Variants in MGAT5 observed in about 807,000 individuals in gnomAD.
MGAT5 encodes alpha-1,6-mannosylglycoprotein 6-beta-N-acetylglucosaminyltransferase.
MGAT5 carries 30 observed loss-of-function variants against 94.3 expected under a neutral mutation model. The observed-to-expected ratio is 0.32, with a 90% CI of 0.24 to 0.43. The LOEUF (loss-of-function observed/expected upper bound fraction) is 0.43, where lower values mean the gene tolerates loss of function less well. Ranked by LOEUF, MGAT5 falls within the 20% of genes least tolerant of loss-of-function variation. MGAT5 has a pLI of 1.00. For synonymous variants in MGAT5, 310 were observed against 322.9 expected (o/e 0.96, Z 0.43); for missense variants, 691 against 905.5 (o/e 0.76, Z 3.04).
chr2:134,255,494 T>TAC (rs1417359186), intron 1 of MGAT5, among the ~76,000 whole-genome samples: 1 of 148,920 alleles, frequency 6.7e-6, no homozygotes, highest in Admixed American at 6.7e-5. Context: ...TACATATATA[T>TAC]ACACATATAT....
chr2:134,232,007 C>T (rs1681393664), intron 1 of MGAT5, among the ~76,000 whole-genome samples: 1 of 152,152 alleles, frequency 6.6e-6, no homozygotes, highest in South Asian at 2.1e-4. Flanking sequence ...CCAGCTCCTC[C>T]ATTTTCCTGT....
At chr2:134,121,892 T>A (rs1295195509) in intron 1 of MGAT5, among the ~76,000 whole-genome samples, 2 of 152,204 alleles carry the variant, frequency 1.3e-5, no homozygotes, top group African/African-American at 4.8e-5. Context: ...TCCTAAGCCT[T>A]ACGGCTGCAT....
intron 2 of MGAT5, among the ~76,000 whole-genome samples, chr2:134,278,675 C>A (rs1178580076): frequency 6.6e-6 from 1 of 152,202 alleles, no homozygotes; most frequent in African/African-American, 2.4e-5. Flanking sequence ...GAGGGCAAAG[C>A]CTCAGGACTG....
At chr2:134,426,075 A>C (rs1282444591) in intron 13 of MGAT5, among the ~76,000 whole-genome samples, 2 of 152,078 alleles carry the variant, frequency 1.3e-5, no homozygotes, top group Admixed American at 1.3e-4. Context: ...CCGCTCTCCC[A>C]GCCCCCAGTC....
At chr2:134,171,685 G>A (rs1039705999) in intron 1 of MGAT5, among the ~76,000 whole-genome samples, 3 of 152,180 alleles carry the variant, frequency 2.0e-5, no homozygotes, top group African/African-American at 4.8e-5. Flanking sequence ...TGTTTGCAAT[G>A]GATCAAGTCC....
intron 1 of MGAT5, among the ~76,000 whole-genome samples, chr2:134,244,683 A>G (rs149833063): frequency 6.6e-6 from 1 of 152,264 alleles, no homozygotes; most frequent in African/African-American, 2.4e-5. Context: ...TTCTAGTTAC[A>G]TGGGCAGAAC....
chr2:134,350,081 C>T, intron 9 of MGAT5, 143 bp downstream of exon 9: 4 of 310,446 alleles, frequency 1.3e-5, no homozygotes, highest in Non-Finnish European at 2.0e-5. Flanking sequence ...TTGGGAATTA[C>T]TGAATTTGTT....
chr2:134,203,692 AG>A (rs1269574707), intron 1 of MGAT5, among the ~76,000 whole-genome samples: 5 of 149,128 alleles, frequency 3.4e-5, no homozygotes, highest in African/African-American at 1.3e-4. Flanking sequence ...TGGGGGCCCA[AG>A]ACTGGGTTTA....
At chr2:134,130,112 C>T (rs960204523) in intron 1 of MGAT5, among the ~76,000 whole-genome samples, 1 of 151,684 alleles carries the variant, frequency 6.6e-6, no homozygotes, top group Non-Finnish European at 1.5e-5. Flanking sequence ...CACTGCCGGC[C>T]CGTCCGCACC....
chr2:134,264,990 G>A (rs1023800824), intron 1 of MGAT5, among the ~76,000 whole-genome samples: 2 of 152,232 alleles, frequency 1.3e-5, no homozygotes, highest in Non-Finnish European at 2.9e-5. Context: ...TACCTTCACA[G>A]TAGATCTCAA....
At chr2:134,173,746 G>A (rs1688331436) in intron 1 of MGAT5, among the ~76,000 whole-genome samples, 1 of 152,338 alleles carries the variant, frequency 6.6e-6, no homozygotes, top group South Asian at 2.1e-4. Flanking sequence ...TCAACCTGTT[G>A]TTGGAGGAGT....
intron 10 of MGAT5, among the ~76,000 whole-genome samples, chr2:134,370,253 G>C (rs559622338): frequency 1.3e-5 from 2 of 152,306 alleles, no homozygotes; most frequent in Admixed American, 1.3e-4. Flanking sequence ...TGAAACCCTT[G>C]AAAAGAACAC....
chr2:134,356,710 C>T (rs112892391), intron 9 of MGAT5, among the ~76,000 whole-genome samples: 98 of 152,264 alleles, frequency 6.4e-4, no homozygotes, highest in African/African-American at 2.1e-3. Context: ...GCTTACTACG[C>T]GGCTTTTTGC....
chr2:134,180,688 G>A (rs1433461594), intron 1 of MGAT5, among the ~76,000 whole-genome samples: 6 of 152,240 alleles, frequency 3.9e-5, no homozygotes, highest in East Asian at 1.9e-4. Context: ...CTCATCTGCC[G>A]CTTCTGTTCT....
chr2:134,123,531 T>G (rs1417117168), intron 1 of MGAT5, among the ~76,000 whole-genome samples: 3 of 152,224 alleles, frequency 2.0e-5, no homozygotes, highest in Non-Finnish European at 4.4e-5. Context: ...ACTCACTGTC[T>G]TCCTTCCTCC....
rs58666142 is a variant in MGAT5, at chr2:134,450,783, AGTGTGTGTGTGTGT to A, written c.*1971_*1984del. 0.023 allele frequency: 3,112 copies of A among 137,356 alleles called. 37 individuals carry two copies. Among genetic ancestry groups the A allele is most frequent in the East Asian group, 0.031 (142 of 4,548 alleles). 8.5% of individuals were successfully genotyped at this position (137,356 alleles called of 1,614,324 possible). A position where few individuals can be genotyped will look rare whatever the true frequency, so the allele number is the denominator to read the frequency against. On this transcript the variant is annotated 3_prime_UTR_variant, in exon 16 of 16. Coordinates refer to ENST00000281923, the MANE Select transcript of MGAT5 (RefSeq NM_002410.5). ...AGTCCAAAGGAAACCTTGGTGAGTG[AGTGTGTGTGTGTGT>A]GTGTGTGTGTGTGTGTGTGTGTGTG...
At chr2:134,357,205 T>C (rs1356776228) in intron 9 of MGAT5, among the ~76,000 whole-genome samples, 2 of 152,232 alleles carry the variant, frequency 1.3e-5, no homozygotes, top group Non-Finnish European at 2.9e-5. Context: ...GAGACTGTTG[T>C]ACAAATTTAA....
chr2:134,207,084 G>T (rs188238783), intron 1 of MGAT5, among the ~76,000 whole-genome samples: 1 of 152,270 alleles, frequency 6.6e-6, no homozygotes, highest in African/African-American at 2.4e-5. Context: ...CTTAGAATCT[G>T]TTTTCTTGAC....
At chr2:134,257,053 G>T (rs1238592334) in intron 1 of MGAT5, among the ~76,000 whole-genome samples, 2 of 152,118 alleles carry the variant, frequency 1.3e-5, no homozygotes, top group African/African-American at 2.4e-5. Flanking sequence ...CATCTCAGGG[G>T]TCTCTACCCA....
Sources: allele counts gnomAD v4.1 joint callset (sites outside exome capture counted in the v4.1 genomes callset), GRCh38; gene constraint gnomAD v4.1.1; transcripts MANE v1.5; gene names NCBI Gene and HGNC (gene_info 2026-07-23, HGNC 2026-07-21).